SLC38A4: variants seen among roughly 807,000 people sequenced by gnomAD.
The protein encoded by SLC38A4 is solute carrier family 38 member 4, also known as sodium-coupled neutral amino acid transporter 4.
In SLC38A4, 20 loss-of-function variants were observed where a neutral mutation model predicts 63.1. The ratio of observed to expected loss-of-function variants is 0.32; its 90% CI spans 0.22 to 0.46. The LOEUF (loss-of-function observed/expected upper bound fraction) is 0.46, where lower values mean the gene tolerates loss of function less well. SLC38A4 is among the 20% of genes least tolerant of loss of function. The pLI, the probability that SLC38A4 is intolerant of heterozygous loss-of-function variation, is 1.00. For synonymous variants in SLC38A4, 230 were observed against 225.5 expected (o/e 1.02, Z -0.18); for missense variants, 526 against 663.6 (o/e 0.79, Z 2.28).
intron 2 of SLC38A4, among the ~76,000 whole-genome samples, chr12:46,797,730 T>G (rs1939046044): frequency 6.6e-6 from 1 of 152,158 alleles, no homozygotes; most frequent in South Asian, 2.1e-4. Flanking sequence ...TCAAGTTACA[T>G]CAGCCTAGGC....
upstream of SLC38A4, among the ~76,000 whole-genome samples, chr12:46,830,330 ACTC>A (rs1364188818): frequency 6.9e-6 from 1 of 145,050 alleles, no homozygotes; most frequent in Non-Finnish European, 1.5e-5. Context: ...ACACACACAC[ACTC>A]TTCTTGTGTT....
intron 2 of SLC38A4, among the ~76,000 whole-genome samples, chr12:46,794,167 C>T (rs1378986431): frequency 6.6e-6 from 1 of 152,102 alleles, no homozygotes; most frequent in Non-Finnish European, 1.5e-5. Flanking sequence ...CTCCAGAAGT[C>T]ACAAAATGTG....
intron 7 of SLC38A4, 84 bp from the exon 8 acceptor site, chr12:46,780,114 G>C: frequency 2.0e-6 from 2 of 1,018,792 alleles, no homozygotes; most frequent in Non-Finnish European, 3.1e-6. Context: ...GGATATGTAA[G>C]ATGAACATCT....
intron 2 of SLC38A4, among the ~76,000 whole-genome samples, chr12:46,799,732 A>C (rs570727381): frequency 6.6e-6 from 1 of 152,310 alleles, no homozygotes; most frequent in African/African-American, 2.4e-5. Flanking sequence ...GCACAATTCA[A>C]AAAGAATTAG....
rs191399251 is a variant in SLC38A4 at position 46,775,494 on chromosome 12, G to A, written c.1175-321C>T. On this transcript the variant is annotated intron_variant, in intron 13 of 16. Transcript: ENST00000266579. The stretch of plus-strand genomic sequence containing the variant: ...AGAGACCAAGGTGCTCTTGTTGAAG[G>A]GGATGAGAGACCCAAGCCCCACATA... Among the ~76,000 whole-genome samples, 170 of 152,044 alleles carry A rather than the reference G, an allele frequency of 1.1e-3. 1 individual carries two copies. The highest frequency in any genetic ancestry group is 4.0e-3 in the African/African-American group (166 of 41,512).
chr12:46,782,982 G>A (rs989175602), intron 7 of SLC38A4, among the ~76,000 whole-genome samples: 1 of 141,774 alleles, frequency 7.1e-6, no homozygotes, highest in African/African-American at 2.6e-5. Context: ...TACCAGTCTA[G>A]AGGAGCAATA....
At chr12:46,801,517 T>C (rs1475718811) in intron 2 of SLC38A4, among the ~76,000 whole-genome samples, 3 of 152,202 alleles carry the variant, frequency 2.0e-5, no homozygotes, top group South Asian at 4.1e-4. Context: ...CCAGCATTGC[T>C]ATCTGTCTCA....
chr12:46,768,527 C>T (rs1938344540), intron 15 of SLC38A4, 120 bp from the exon 16 acceptor site: 1 of 556,484 alleles, frequency 1.8e-6, no homozygotes, highest in Admixed American at 3.4e-5. Context: ...GCACTAAAAA[C>T]ACACACTTAA....
intron 2 of SLC38A4, among the ~76,000 whole-genome samples, chr12:46,802,625 G>A (rs1006823985): frequency 2.0e-5 from 3 of 151,864 alleles, no homozygotes; most frequent in Non-Finnish European, 2.9e-5. Flanking sequence ...AATATAAATC[G>A]AAACTGGAGG....
intron 2 of SLC38A4, among the ~76,000 whole-genome samples, chr12:46,801,245 C>A (rs1041557124): frequency 6.6e-6 from 1 of 151,962 alleles, no homozygotes; most frequent in African/African-American, 2.4e-5. Flanking sequence ...TTCTTTATAT[C>A]CAAATTCTAA....
upstream of SLC38A4, among the ~76,000 whole-genome samples, chr12:46,826,656 C>CA: frequency 6.6e-6 from 1 of 151,954 alleles, no homozygotes; most frequent in Non-Finnish European, 1.5e-5. Flanking sequence ...GTAACTCAGG[C>CA]AAAAAGTGGG....
chr12:46,801,473 G>C (rs1487795111), intron 2 of SLC38A4, among the ~76,000 whole-genome samples: 1 of 152,040 alleles, frequency 6.6e-6, no homozygotes, highest in African/African-American at 2.4e-5. Flanking sequence ...AAGTGAAAGT[G>C]AAAAAGGGAG....
chr12:46,792,603 G>A (rs1486332312), intron 3 of SLC38A4, among the ~76,000 whole-genome samples: 1 of 152,072 alleles, frequency 6.6e-6, no homozygotes. Flanking sequence ...GAGTGAGCTT[G>A]CCCAGAGGAT....
In SLC38A4 at chr12:46,765,527, T is replaced by A; in HGVS notation, c.*1174A>T. ...TTATTGTAAATATTGAAGAAGAGCA[T>A]TGCCAAACTATATATAACTTAGGTT... On this transcript the variant is annotated 3_prime_UTR_variant, in exon 17 of 17. Coordinates refer to ENST00000266579, the MANE Select transcript of SLC38A4 (RefSeq NM_018018.5). The A allele has an allele frequency of 3.3e-6, 1 of 300,906 alleles. No individual in the cohort carries two copies. Among genetic ancestry groups the A allele is most frequent in the Non-Finnish European group, 6.4e-6 (1 of 155,492 alleles). The allele number at this position is 300,906 out of a possible 1,614,324, so 18.6% of individuals were successfully genotyped here.
chr12:46,829,231 T>TGTCCC (rs1216024135), upstream of SLC38A4, among the ~76,000 whole-genome samples: 35 of 152,302 alleles, frequency 2.3e-4, 1 homozygote, highest in South Asian at 6.8e-3. Flanking sequence ...TAAAGCACCT[T>TGTCCC]TCCTTTCACT....
intron 1 of SLC38A4, among the ~76,000 whole-genome samples, chr12:46,815,963 T>C (rs925858499): frequency 2.6e-5 from 4 of 151,878 alleles, no homozygotes; most frequent in African/African-American, 9.7e-5. Flanking sequence ...TGAAAAAATA[T>C]ATATTTAAAG....
intron 14 of SLC38A4, among the ~76,000 whole-genome samples, chr12:46,772,454 A>C (rs560257096): frequency 2.0e-5 from 3 of 152,146 alleles, no homozygotes; most frequent in Non-Finnish European, 4.4e-5. Flanking sequence ...CTTGTTCTTT[A>C]TGGAAATATG....
chr12:46,809,441 A>C (rs1027385001), intron 1 of SLC38A4, among the ~76,000 whole-genome samples: 2 of 152,068 alleles, frequency 1.3e-5, no homozygotes, highest in Non-Finnish European at 2.9e-5. Flanking sequence ...TCTCCTCAGT[A>C]GAGAAGAGGG....
chr12:46,807,743 T>C (rs1939262032), intron 1 of SLC38A4, among the ~76,000 whole-genome samples: 1 of 152,056 alleles, frequency 6.6e-6, no homozygotes, highest in African/African-American at 2.4e-5. Flanking sequence ...AGCACTTCTA[T>C]ACCTGAGCTG....
Sources: allele counts gnomAD v4.1 joint callset (sites outside exome capture counted in the v4.1 genomes callset), GRCh38; gene constraint gnomAD v4.1.1; transcripts MANE v1.5; gene names NCBI Gene and HGNC (gene_info 2026-07-23, HGNC 2026-07-21).